SCAI: variants seen among roughly 807,000 people sequenced by gnomAD.
SCAI encodes the protein protein SCAI.
SCAI carries 24 observed loss-of-function variants against 92.2 expected under a neutral mutation model. The observed-to-expected ratio is 0.26, with a 90% CI of 0.19 to 0.37. The LOEUF is 0.37. SCAI is among the 10% of genes least tolerant of loss of function. The probability of loss-of-function intolerance (pLI) is 1.00; values close to 1 mark genes in which losing one functional copy is unlikely to be tolerated. For synonymous variants in SCAI, 261 were observed against 258.6 expected, an observed-to-expected ratio of 1.01 and a Z score of -0.09; for missense variants, 450 against 736.2, an observed-to-expected ratio of 0.61 and a Z score of 4.50.
At chr9:124,974,132 G>A (rs1316508751) in intron 15 of SCAI, 3 of 368,886 alleles carry the variant, frequency 8.1e-6, no homozygotes, top group African/African-American at 4.4e-5. Context: ...ATGTAACTGT[G>A]CTTGTCAGGT....
chr9:125,064,635 C>T (rs947685987), intron 2 of SCAI, among the ~76,000 whole-genome samples: 1 of 152,112 alleles, frequency 6.6e-6, no homozygotes, highest in Admixed American at 6.6e-5. Flanking sequence ...CACCTGGGGT[C>T]AGGAGTTCAA....
chr9:124,975,209 T>C (rs768861012), intron 15 of SCAI: 1 of 371,920 alleles, frequency 2.7e-6, no homozygotes, highest in Non-Finnish European at 5.4e-6. Context: ...GAAGTTAATA[T>C]TTCTACATGT....
At chr9:125,122,696 G>C (rs1037242659) in intron 2 of SCAI, among the ~76,000 whole-genome samples, 1 of 151,558 alleles carries the variant, frequency 6.6e-6, no homozygotes, top group Non-Finnish European at 1.5e-5. Context: ...CTTGAGCCCA[G>C]GAGTTCGAGA....
chr9:125,062,003 T>A (rs2131146451), intron 2 of SCAI, among the ~76,000 whole-genome samples: 1 of 152,268 alleles, frequency 6.6e-6, no homozygotes, highest in East Asian at 1.9e-4. Context: ...GAAAAAATGT[T>A]AGTCTATTAA....
At chr9:124,958,121 C>T (rs1019300381) in intron 17 of SCAI, among the ~76,000 whole-genome samples, 1 of 152,194 alleles carries the variant, frequency 6.6e-6, no homozygotes, top group Middle Eastern at 3.4e-3. Context: ...GGATATATAC[C>T]ATTATTATTG....
intron 15 of SCAI, 31 bp downstream of exon 15, chr9:124,976,083 T>G (rs770180700): frequency 7.0e-7 from 1 of 1,420,800 alleles, no homozygotes; most frequent in Non-Finnish European, 1.0e-6. Context: ...ATTTGCAACC[T>G]ATGGCTATAC....
At chr9:125,138,581 ATTT>A (rs200533755) in intron 2 of SCAI, among the ~76,000 whole-genome samples, 1 of 151,752 alleles carries the variant, frequency 6.6e-6, no homozygotes, top group African/African-American at 2.4e-5. Context: ...CGTCCAGCTG[ATTT>A]TTTTTGTTTT....
chr9:125,074,977 C>CA (rs1295343569), intron 2 of SCAI, among the ~76,000 whole-genome samples: 1 of 151,944 alleles, frequency 6.6e-6, no homozygotes, highest in East Asian at 1.9e-4. Context: ...GTCTGGGCAA[C>CA]AAGAGTGAAA....
intron 2 of SCAI, among the ~76,000 whole-genome samples, chr9:125,125,082 A>T (rs1021631357): frequency 6.6e-6 from 1 of 152,130 alleles, no homozygotes; most frequent in Admixed American, 6.6e-5. Flanking sequence ...TTAACCAGGC[A>T]TGGTGGCGCA....
At chr9:125,014,572 G>A (rs1254248843) in intron 9 of SCAI, among the ~76,000 whole-genome samples, 1 of 152,120 alleles carries the variant, frequency 6.6e-6, no homozygotes, top group African/African-American at 2.4e-5. Flanking sequence ...CTCATGGGTA[G>A]GAAGAATCAA....
At chr9:124,972,385 T>C (rs891971934) in intron 15 of SCAI, among the ~76,000 whole-genome samples, 1 of 152,182 alleles carries the variant, frequency 6.6e-6, no homozygotes, top group Non-Finnish European at 1.5e-5. Flanking sequence ...CTGCTCTGTC[T>C]TGCGGTAGAT....
chr9:125,128,038 G>A, intron 2 of SCAI, among the ~76,000 whole-genome samples: 1 of 151,806 alleles, frequency 6.6e-6, no homozygotes, highest in East Asian at 1.9e-4. Context: ...GCCAGGTGCA[G>A]TGAGTGGCTC....
At chr9:125,142,553 G>C in intron 2 of SCAI, 80 bp downstream of exon 2, 1 of 981,742 alleles carries the variant, frequency 1.0e-6, no homozygotes, top group South Asian at 1.3e-5. Flanking sequence ...TCTACTGACA[G>C]TATACAATTA....
intron 2 of SCAI, among the ~76,000 whole-genome samples, chr9:125,101,711 C>G (rs1247213390): frequency 1.3e-5 from 2 of 152,154 alleles, no homozygotes; most frequent in Non-Finnish European, 2.9e-5. Flanking sequence ...CTGTGTCAGA[C>G]ACTAGAAATA....
chr9:125,001,349 T>G (rs1213514473), intron 12 of SCAI, among the ~76,000 whole-genome samples: 2 of 152,274 alleles, frequency 1.3e-5, no homozygotes, highest in Admixed American at 1.3e-4. Context: ...ATTATCTTAT[T>G]TACATCCAAG....
chr9:124,952,799 TTTTTG>T lies in SCAI; in HGVS notation c.*3_*7del. ...ATGAAAACTTGTTTCGACAACAGGG[TTTTTG>T]TTTTAATAGTCATCAATGGTATTCT... On this transcript the variant is annotated 3_prime_UTR_variant, in exon 18 of 18. Transcript: ENST00000336505. The T allele has an allele frequency of 6.3e-7, 1 of 1,599,094 alleles. No individual in the cohort carries two copies. The highest frequency in any genetic ancestry group is 8.5e-7 in the Non-Finnish European group (1 of 1,172,762).
chr9:125,004,729 T>C (rs1223795444), intron 9 of SCAI, among the ~76,000 whole-genome samples: 32 of 109,670 alleles, frequency 2.9e-4, no homozygotes, highest in African/African-American at 1.1e-3. Context: ...AATACAACTG[T>C]GATCCATATA....
chr9:124,961,421 G>C (rs187688457), intron 17 of SCAI, among the ~76,000 whole-genome samples: 1 of 151,808 alleles, frequency 6.6e-6, no homozygotes, highest in Admixed American at 6.6e-5. Context: ...AGGCTGAGGC[G>C]GTTGGATCAC....
At chr9:125,039,315 A>G (rs1448613900) in intron 3 of SCAI, among the ~76,000 whole-genome samples, 1 of 151,622 alleles carries the variant, frequency 6.6e-6, no homozygotes, top group Non-Finnish European at 1.5e-5. Flanking sequence ...TGAATCTGGG[A>G]AGTGGAGGCT....
Sources: gnomAD v4.1 joint callset for allele counts (sites outside exome capture counted in the v4.1 genomes callset) on GRCh38, gnomAD v4.1.1 for gene constraint, MANE v1.5 for transcripts, NCBI Gene and HGNC (gene_info 2026-07-23, HGNC 2026-07-21) for gene names.